The following PPFIA2 variants were observed in gnomAD, a reference collection of about 807,000 sequenced individuals.
PPFIA2 encodes PPFI scaffold protein A2.
In PPFIA2, 46 loss-of-function variants were observed where a neutral mutation model predicts 175.5. That is an observed-to-expected ratio of 0.26 (90% CI 0.21 to 0.34). The LOEUF is 0.34. Among genes scored for constraint, PPFIA2 ranks in the 10% least tolerant of loss-of-function variants. The probability of loss-of-function intolerance (pLI) is 1.00; values close to 1 mark genes in which losing one functional copy is unlikely to be tolerated. For synonymous variants in PPFIA2, 568 were observed against 511.4 expected, an observed-to-expected ratio of 1.11 and a Z score of -1.49; for missense variants, 1,179 against 1,506.1, an observed-to-expected ratio of 0.78 and a Z score of 3.60.
chr12:81,295,257 A>G (rs1016018133), intron 23 of PPFIA2, among the ~76,000 whole-genome samples: 1 of 152,194 alleles, frequency 6.6e-6, no homozygotes, highest in Admixed American at 6.5e-5. Flanking sequence ...TGAAATTGAG[A>G]CATGCTAGCT....
intron 32 of PPFIA2, chr12:81,261,277 T>C (rs2035418638): frequency 6.6e-6 from 1 of 152,192 alleles, no homozygotes; most frequent in African/African-American, 2.4e-5. Flanking sequence ...TTGAGTGCAG[T>C]GGCACCATCG....
At position 81,754,133 on chromosome 12, in the gene PPFIA2, T is replaced by C. The variant is rs2084270205; in HGVS notation, c.89A>G (p.His30Arg). 2 of 1,613,486 alleles carry C rather than the reference T, an allele frequency of 1.2e-6. No individual in the cohort carries two copies. Among genetic ancestry groups the C allele is most frequent in the East Asian group, 4.5e-5 (2 of 44,864 alleles). The change falls in exon 3 of 33, where the codon CAT becomes CGT. Residue 30 changes from histidine to arginine, a missense_variant. Physicochemically the swap from His to Arg is conservative, Grantham distance 29. Around this residue, in one of 10 missense-constraint regions of PPFIA2, gnomAD observed 128 missense variants for 141.4 expected, o/e 0.91. Coordinates refer to ENST00000549396, the MANE Select transcript of PPFIA2 (RefSeq NM_003625.5). ...SQSSGSDSDS[H>R]FEQLMVNMLD... ...CATATTCACCATCAGCTGCTCAAAA[T>C]GGGAGTCTGAGTCCGAGCCACTGCT... is the stretch of plus-strand genomic sequence containing the variant.
chr12:81,591,419 G>C (rs188988606), intron 4 of PPFIA2, among the ~76,000 whole-genome samples: 2 of 152,308 alleles, frequency 1.3e-5, no homozygotes, highest in East Asian at 3.9e-4. Flanking sequence ...GCAGGAATTT[G>C]CATAAGTAAC....
At chr12:81,514,930 G>A (rs1396316940) in intron 4 of PPFIA2, among the ~76,000 whole-genome samples, 5 of 151,804 alleles carry the variant, frequency 3.3e-5, no homozygotes, top group African/African-American at 1.2e-4. Context: ...TGGATTCTTA[G>A]AGACTTTCTT....
chr12:81,429,833 G>A (rs934125793), intron 7 of PPFIA2, among the ~76,000 whole-genome samples: 1 of 151,994 alleles, frequency 6.6e-6, no homozygotes, highest in African/African-American at 2.4e-5. Flanking sequence ...TGAAATACTG[G>A]CTTTTATTTA....
At chr12:81,531,301 T>C (rs995099376) in intron 4 of PPFIA2, among the ~76,000 whole-genome samples, 2 of 151,854 alleles carry the variant, frequency 1.3e-5, no homozygotes, top group African/African-American at 4.8e-5. Flanking sequence ...AATGATAATA[T>C]CCCTGCCCTT....
chr12:81,393,248 T>C (rs1196322736), intron 8 of PPFIA2, among the ~76,000 whole-genome samples: 1 of 152,246 alleles, frequency 6.6e-6, no homozygotes, highest in East Asian at 1.9e-4. Flanking sequence ...ATTCTTACTC[T>C]GTATAGTTTG....
At chr12:81,736,610 A>G (rs1014967183) in intron 3 of PPFIA2, among the ~76,000 whole-genome samples, 6 of 152,056 alleles carry the variant, frequency 3.9e-5, no homozygotes, top group African/African-American at 9.7e-5. Flanking sequence ...CACCGTTGGG[A>G]CAATTACTGA....
chr12:81,397,160 A>C (rs540448246), intron 8 of PPFIA2, among the ~76,000 whole-genome samples: 1 of 152,186 alleles, frequency 6.6e-6, no homozygotes, highest in South Asian at 2.1e-4. Flanking sequence ...AACTAGAGGT[A>C]AAGATTCATA....
intron 7 of PPFIA2, among the ~76,000 whole-genome samples, chr12:81,438,925 T>G (rs2049605968): frequency 6.6e-6 from 1 of 152,110 alleles, no homozygotes; most frequent in Admixed American, 6.5e-5. Flanking sequence ...TTCTTCCATC[T>G]AACTGAAAAT....
At chr12:81,319,427 C>T (rs1176284638) in intron 22 of PPFIA2, among the ~76,000 whole-genome samples, 1 of 151,784 alleles carries the variant, frequency 6.6e-6, no homozygotes, top group African/African-American at 2.4e-5. Context: ...AAAGCAACAG[C>T]AGCTCTATTT....
Position 81,595,253 on chromosome 12 carries a change from T to C in PPFIA2, c.303+81538A>G, listed in dbSNP as rs900115050. On this transcript the variant is annotated intron_variant, in intron 4 of 32. Coordinates refer to ENST00000549396, the MANE Select transcript of PPFIA2 (RefSeq NM_003625.5). ...CACTGTGTTTATATATATATATATA[T>C]ACTTTAAACAAACATATATATATAT... is the stretch of plus-strand genomic sequence containing the variant. Among the ~76,000 whole-genome samples the C allele has an allele frequency of 1.3e-4, 20 of 150,252 alleles. 1 individual carries two copies. Among genetic ancestry groups the C allele is most frequent in the African/African-American group, 4.4e-4 (18 of 41,252 alleles).
At chr12:81,719,986 G>C (rs1465507854) in intron 3 of PPFIA2, among the ~76,000 whole-genome samples, 1 of 151,254 alleles carries the variant, frequency 6.6e-6, no homozygotes, top group Non-Finnish European at 1.5e-5. Flanking sequence ...TGTATTTAGA[G>C]TTAGTAAATT....
intron 3 of PPFIA2, among the ~76,000 whole-genome samples, chr12:81,684,555 T>C (rs773062693): frequency 2.0e-5 from 3 of 152,134 alleles, no homozygotes; most frequent in Non-Finnish European, 4.4e-5. Flanking sequence ...AGAGTACATA[T>C]GGTGAAGTGT....
chr12:81,350,212 G>A (rs1213919164), intron 17 of PPFIA2, among the ~76,000 whole-genome samples: 1 of 152,016 alleles, frequency 6.6e-6, no homozygotes, highest in African/African-American at 2.4e-5. Context: ...TGGTAAATTC[G>A]ACCATTAGCT....
intron 3 of PPFIA2, among the ~76,000 whole-genome samples, chr12:81,715,583 A>T (rs2078505058): frequency 6.6e-6 from 1 of 151,736 alleles, no homozygotes; most frequent in Non-Finnish European, 1.5e-5. Flanking sequence ...TGTCCATAAC[A>T]ATGGTCAGAG....
Position 81,299,929 on chromosome 12 carries a change from T to C in PPFIA2, c.2643-547A>G, listed in dbSNP as rs1302147065. Among the ~76,000 whole-genome samples, 8 of 152,288 alleles carry C rather than the reference T, an allele frequency of 5.3e-5. No homozygotes were observed. In the South Asian group the frequency reaches 1.0e-3, roughly 20 times the overall value. On this transcript the variant is annotated intron_variant, in intron 22 of 32. Transcript: ENST00000549396. ...TATTTGTCTAGACTATAAAACTACA[T>C]CTCACTTGGAGAAAACTCCAAGGTA...
At chr12:81,472,491 A>T (rs1045631158) in intron 4 of PPFIA2, 3 of 152,198 alleles carry the variant, frequency 2.0e-5, no homozygotes, top group African/African-American at 7.2e-5. Context: ...GGTGAATGAC[A>T]TTATTAACTT....
chr12:81,516,961 G>A (rs949748855), intron 4 of PPFIA2, among the ~76,000 whole-genome samples: 5 of 152,154 alleles, frequency 3.3e-5, no homozygotes, highest in African/African-American at 1.2e-4. Context: ...ATTCATGAAA[G>A]ATGTTGATAA....
Sources: gnomAD v4.1 joint callset for allele counts (sites outside exome capture counted in the v4.1 genomes callset) on GRCh38, gnomAD v4.1.1 for gene constraint, gnomAD v4.1.1 regional missense constraint, MANE v1.5 for transcripts, NCBI Gene and HGNC (gene_info 2026-07-23, HGNC 2026-07-21) for gene names.